The following AGBL1 variants were observed in gnomAD, a reference collection of about 807,000 sequenced individuals.
The protein encoded by AGBL1 is AGBL carboxypeptidase 1.
In AGBL1, 130 loss-of-function variants were observed where a neutral mutation model predicts 118.9. The observed-to-expected ratio is 1.09, with a 90% CI of 0.95 to 1.26. AGBL1 has a LOEUF of 1.26. Ranked by LOEUF, AGBL1 falls within the 50% of genes most tolerant of loss-of-function variation. The probability of loss-of-function intolerance (pLI) is 0.00; values close to 1 mark genes in which losing one functional copy is unlikely to be tolerated. For synonymous variants in AGBL1, 555 were observed against 478.9 expected, an observed-to-expected ratio of 1.16 and a Z score of -2.08; for missense variants, 1,584 against 1,298.1, an observed-to-expected ratio of 1.22 and a Z score of -3.38.
chr15:86,490,769 A>G (rs574310421), intron 18 of AGBL1, among the ~76,000 whole-genome samples: 8 of 152,268 alleles, frequency 5.3e-5, no homozygotes, highest in Non-Finnish European at 1.0e-4. Flanking sequence ...ATTGTTTCTC[A>G]GTGGCACCTG....
chr15:86,091,403 A>T (rs565190287), intron 1 of AGBL1, among the ~76,000 whole-genome samples: 1 of 152,260 alleles, frequency 6.6e-6, no homozygotes, highest in East Asian at 1.9e-4. Context: ...TGACCAACTG[A>T]GGACACACTA....
At chr15:86,765,462 G>A (rs1596461896) in intron 22 of AGBL1, among the ~76,000 whole-genome samples, 1 of 152,058 alleles carries the variant, frequency 6.6e-6, no homozygotes, top group Non-Finnish European at 1.5e-5. Context: ...GCAGGAAAGG[G>A]CACCCACTTT....
intron 22 of AGBL1, among the ~76,000 whole-genome samples, chr15:86,683,273 G>A (rs2085994380): frequency 6.6e-6 from 1 of 151,936 alleles, no homozygotes; most frequent in Admixed American, 6.6e-5. Flanking sequence ...AAACGACTTG[G>A]GTTCATTTTG....
At chr15:86,803,659 G>A (rs1485413443) in intron 22 of AGBL1, among the ~76,000 whole-genome samples, 1 of 152,048 alleles carries the variant, frequency 6.6e-6, no homozygotes, top group Non-Finnish European at 1.5e-5. Context: ...TAAATGGTGT[G>A]GCAATATTGC....
intron 18 of AGBL1, among the ~76,000 whole-genome samples, chr15:86,460,856 T>C (rs1451616069): frequency 6.6e-6 from 1 of 152,184 alleles, no homozygotes; most frequent in Non-Finnish European, 1.5e-5. Flanking sequence ...CCAGTTCTTG[T>C]CTGTATACCA....
chr15:86,132,406 C>T (rs1308188117), intron 1 of AGBL1, among the ~76,000 whole-genome samples: 1 of 152,158 alleles, frequency 6.6e-6, no homozygotes, highest in East Asian at 1.9e-4. Flanking sequence ...AGGCGGCAAC[C>T]CATTTCCTTG....
At chr15:86,771,704 A>G (rs2078184883) in intron 22 of AGBL1, among the ~76,000 whole-genome samples, 1 of 152,056 alleles carries the variant, frequency 6.6e-6, no homozygotes, top group Admixed American at 6.6e-5. Context: ...GGATGGATAA[A>G]AAAAAAGAAA....
intron 22 of AGBL1, among the ~76,000 whole-genome samples, chr15:86,731,336 T>G (rs1312790931): frequency 6.6e-6 from 1 of 152,190 alleles, no homozygotes; most frequent in African/African-American, 2.4e-5. Flanking sequence ...TCTCTTACTC[T>G]CATATGCACA....
chr15:86,337,119 C>T (rs1474696816), intron 17 of AGBL1, among the ~76,000 whole-genome samples: 1 of 152,168 alleles, frequency 6.6e-6, no homozygotes, highest in Non-Finnish European at 1.5e-5. Context: ...ATTTGTATTC[C>T]CAGTGCCTCT....
rs185524242 is a variant in AGBL1 at position 86,337,990 on chromosome 15, G to A, written c.2374+42582G>A. ...AGACACTTCTAGTCAGGAGAGATGC[G>A]GTGAGTAGGAAGCAAAAAAGATAAG... On this transcript the variant is annotated intron_variant, in intron 17 of 22. Coordinates refer to ENST00000614907, the MANE Select transcript of AGBL1 (RefSeq NM_001386094.1). Among the ~76,000 whole-genome samples the A allele has an allele frequency of 3.5e-3, 526 of 152,200 alleles. 2 individuals carry two copies. The highest frequency in any genetic ancestry group is 0.012 in the African/African-American group (496 of 41,500).
intron 21 of AGBL1, among the ~76,000 whole-genome samples, chr15:86,571,210 C>G (rs2084001946): frequency 6.6e-6 from 1 of 152,138 alleles, no homozygotes; most frequent in African/African-American, 2.4e-5. Context: ...GCTCCCAGGT[C>G]TGAGATCCCT....
chr15:86,927,683 C>T (rs2080559569), intron 23 of AGBL1, among the ~76,000 whole-genome samples: 1 of 151,946 alleles, frequency 6.6e-6, no homozygotes, highest in Non-Finnish European at 1.5e-5. Flanking sequence ...TAATATAATC[C>T]AATATTGATA....
chr15:86,197,057 C>T (rs1352297114), intron 5 of AGBL1, among the ~76,000 whole-genome samples: 1 of 152,112 alleles, frequency 6.6e-6, no homozygotes, highest in Non-Finnish European at 1.5e-5. Flanking sequence ...GTTGCTTAAC[C>T]CACCCAGTCT....
chr15:86,988,996 C>CTTT (rs762271338), intron 24 of AGBL1, among the ~76,000 whole-genome samples: 22 of 114,326 alleles, frequency 1.9e-4, no homozygotes, highest in Non-Finnish European at 2.7e-4. Flanking sequence ...TTTCCCCCTG[C>CTTT]TTTTTTTTTT....
At chr15:86,581,228 A>G (rs2142331759) in intron 21 of AGBL1, among the ~76,000 whole-genome samples, 1 of 152,328 alleles carries the variant, frequency 6.6e-6, no homozygotes, top group East Asian at 1.9e-4. Context: ...AACAATATAT[A>G]CGACATTTAA....
chr15:86,638,784 C>T lies in AGBL1; in HGVS notation c.2995-35489C>T, dbSNP rs983816239. 3.9e-5 allele frequency among the ~76,000 whole-genome samples: 6 copies of T among 152,154 alleles called. 1 individual carries two copies. Among genetic ancestry groups the T allele is most frequent in the African/African-American group, 1.4e-4 (6 of 41,444 alleles). On this transcript the variant is annotated intron_variant, in intron 21 of 22. Coordinates refer to ENST00000614907, the MANE Select transcript of AGBL1 (RefSeq NM_001386094.1). ...AACAAATCACTGCAAAACTCAGAGG[C>T]ATAAAACACCATACATATTATCTCA... is the stretch of plus-strand genomic sequence containing the variant.
At chr15:86,803,179 A>T (rs1243855542) in intron 22 of AGBL1, among the ~76,000 whole-genome samples, 1 of 152,100 alleles carries the variant, frequency 6.6e-6, no homozygotes, top group African/African-American at 2.4e-5. Flanking sequence ...CTTGAATTCT[A>T]ATCCTCATGT....
At chr15:86,924,271 A>G (rs1448126001) in intron 23 of AGBL1, among the ~76,000 whole-genome samples, 3 of 152,238 alleles carry the variant, frequency 2.0e-5, no homozygotes, top group Non-Finnish European at 4.4e-5. Context: ...TGTGATCCTA[A>G]TGGTACAATG....
chr15:86,987,468 G>T (rs931914754), intron 23 of AGBL1, among the ~76,000 whole-genome samples: 9 of 152,036 alleles, frequency 5.9e-5, no homozygotes, highest in African/African-American at 1.9e-4. Flanking sequence ...TTTCCAAATT[G>T]TATGCCTTTT....
Sources: allele counts gnomAD v4.1 joint callset (sites outside exome capture counted in the v4.1 genomes callset), GRCh38; gene constraint gnomAD v4.1.1; transcripts MANE v1.5; gene names NCBI Gene and HGNC (gene_info 2026-07-23, HGNC 2026-07-21).